Variants in UNC13B observed in about 807,000 individuals in gnomAD.
UNC13B encodes protein unc-13 homolog B.
In UNC13B, 144 loss-of-function variants were observed where a neutral mutation model predicts 211.0. The observed-to-expected ratio is 0.68, with a 90% confidence interval of 0.60 to 0.78. UNC13B has a LOEUF of 0.78. UNC13B is among the 30% of genes least tolerant of loss of function. The probability of loss-of-function intolerance (pLI) is 0.00; values close to 1 mark genes in which losing one functional copy is unlikely to be tolerated. For synonymous variants in UNC13B, 709 were observed against 725.8 expected (o/e 0.98, Z 0.37); for missense variants, 1,777 against 2,002.0 (o/e 0.89, Z 2.14).
chr9:35,347,966 G>A (rs367901582), intron 11 of UNC13B, among the ~76,000 whole-genome samples: 1 of 152,112 alleles, frequency 6.6e-6, no homozygotes, highest in Admixed American at 6.6e-5. Flanking sequence ...GGCTGGGCAC[G>A]GTGGCTCACA....
In UNC13B at chr9:35,403,581, A is replaced by G. The variant is rs2132401395; in HGVS notation, c.12719A>G (p.Tyr4240Cys). The part of the protein sequence containing the change: ...KSKSNNWAPK[Y>C]NETFHFLLGN... ...AAAAGCAACAACTGGGCCCCCAAGT[A>G]CAATGAGACATTCCACTTGTAAGTT... Residue 4240 changes from tyrosine (Y) to cysteine (C), a missense_variant, in exon 39 of 40, where the codon TAC (tyrosine) becomes TGC (cysteine). Coordinates refer to ENST00000635942, the MANE Select transcript of UNC13B (RefSeq NM_001371189.2). The G allele has an allele frequency of 6.3e-7, 1 of 1,594,878 alleles. No homozygotes were observed. Among genetic ancestry groups the G allele is most frequent in the East Asian group, 2.3e-5 (1 of 42,898 alleles).
At chr9:35,222,702 G>C (rs900710479) in intron 1 of UNC13B, among the ~76,000 whole-genome samples, 6 of 152,174 alleles carry the variant, frequency 3.9e-5, no homozygotes, top group African/African-American at 1.4e-4. Context: ...TCACTTCTTT[G>C]TGTTGGGAAC....
rs113747445 is a variant in UNC13B at position 35,295,718 on chromosome 9, C to T, written c.549C>T (p.Ala183=). 1.7e-5 allele frequency: 28 copies of T among 1,613,932 alleles called. No homozygotes were observed. The East Asian group carries it at 2.7e-4, about 15-fold the overall frequency. Residue 183 remains alanine, a synonymous_variant, in exon 8 of 40, where the codon GCC becomes GCT. Coordinates refer to ENST00000635942, the MANE Select transcript of UNC13B (RefSeq NM_001371189.2). ...AQCSFEDPDS[A]VDDRDSDYRS... is the part of the protein sequence containing the mutation. The stretch of plus-strand genomic sequence containing the variant: ...TAGCTTTTGAAGACCCTGATAGTGC[C>T]GTCGATGACCGAGATAGTGACTATC...
chr9:35,278,549 A>G (rs550840481), intron 7 of UNC13B, among the ~76,000 whole-genome samples: 2 of 151,634 alleles, frequency 1.3e-5, no homozygotes, highest in Admixed American at 6.6e-5. Context: ...TTAAAATCCC[A>G]GAAGGCATAG....
At chr9:35,212,819 G>A (rs1824043504) in intron 1 of UNC13B, among the ~76,000 whole-genome samples, 1 of 152,220 alleles carries the variant, frequency 6.6e-6, no homozygotes, top group Non-Finnish European at 1.5e-5. Context: ...AAGAACATGA[G>A]AGTTGGTGGA....
chr9:35,224,030 G>A (rs1165203841), intron 1 of UNC13B, among the ~76,000 whole-genome samples: 2 of 152,060 alleles, frequency 1.3e-5, no homozygotes, highest in Non-Finnish European at 2.9e-5. Flanking sequence ...TATACCAGTA[G>A]TAACCTGCTT....
At chr9:35,309,861 G>T (rs898308272) in intron 9 of UNC13B, among the ~76,000 whole-genome samples, 5 of 152,180 alleles carry the variant, frequency 3.3e-5, no homozygotes, top group African/African-American at 9.7e-5. Flanking sequence ...CCATTCGTTT[G>T]TGTATTCTCT....
chr9:35,303,555 T>G lies in UNC13B; in HGVS notation c.4151T>G (p.Phe1384Cys). Residue 1384 changes from phenylalanine to cysteine, a missense_variant, in exon 9 of 40, where the codon TTT becomes TGT. Physicochemically the swap from Phe to Cys is radical, Grantham distance 205. Transcript: ENST00000635942. ...TATTATATGTTAAATCAAAATAGAT[T>G]TCTATCAGCCGATGCTTGCTTGTGG... Reference protein sequence around the residue: ...PVYYMLNQNRFLSADACLWLD... With the variant: ...PVYYMLNQNRCLSADACLWLD... The G allele has an allele frequency of 2.5e-6, 1 of 398,746 alleles. No homozygotes were observed. The highest frequency in any genetic ancestry group is 4.4e-6 in the Non-Finnish European group (1 of 225,834). The allele number at this position is 398,746 out of a possible 1,614,324, so 24.7% of individuals were successfully genotyped here.
At chr9:35,191,716 C>T (rs3904435) in intron 1 of UNC13B, among the ~76,000 whole-genome samples, 111,412 of 152,164 alleles carry the variant, frequency 0.73, 41,431 homozygotes, top group Non-Finnish European at 0.81. Flanking sequence ...AGACACCCAC[C>T]GTTGTAAAAT....
rs560836312 is a variant in UNC13B, at chr9:35,378,298, T to C, written c.10067T>C (p.Val3356Ala). Residue 3356 changes from valine (V) to alanine (A), a missense_variant, in exon 17 of 40, where the codon GTG (valine) becomes GCG (alanine). Physicochemically the swap from Val to Ala is moderately conservative, Grantham distance 64. Transcript: ENST00000635942. ...CCTATACATGCTTGGGTTGCAGTGGTGTGTGCCCAGGGCCTACAAGCCAAG... is the reference window on the plus strand; with the variant it reads ...CCTATACATGCTTGGGTTGCAGTGGCGTGTGCCCAGGGCCTACAAGCCAAG... ...KWSAKITITVVCAQGLQAKDK... is the reference protein window; with the variant it reads ...KWSAKITITVACAQGLQAKDK... 1.9e-6 allele frequency: 3 copies of C among 1,614,120 alleles called. No homozygotes were observed. The African/African-American group carries it at 4.0e-5, about 22-fold the overall frequency.
intron 7 of UNC13B, among the ~76,000 whole-genome samples, chr9:35,267,513 T>C (rs1452930073): frequency 6.6e-6 from 1 of 152,230 alleles, no homozygotes; most frequent in African/African-American, 2.4e-5. Context: ...ATTCACATGC[T>C]GTGTCAGTAT....
intron 7 of UNC13B, among the ~76,000 whole-genome samples, chr9:35,286,933 C>T (rs1051444864): frequency 6.6e-6 from 1 of 151,952 alleles, no homozygotes. Flanking sequence ...TATCCTCTAC[C>T]GTAGACGGGT....
At chr9:35,179,768 C>T (rs1208691601) in intron 1 of UNC13B, among the ~76,000 whole-genome samples, 4 of 152,052 alleles carry the variant, frequency 2.6e-5, no homozygotes, top group African/African-American at 9.7e-5. Flanking sequence ...CCTAGCCCAG[C>T]CTGGGTGACA....
Position 35,295,754 on chromosome 9 carries a change from C to G in UNC13B, c.585C>G (p.Thr195=). ...DDRDSDYRSE[T]SNSFPPPYHT... is the part of the protein sequence containing the mutation. ...GAGATAGTGACTATCGCAGTGAGAC[C>G]AGCAACAGCTTCCCACCTCCTTACC... Residue 195 remains threonine, a synonymous_variant, in exon 8 of 40, where the codon ACC becomes ACG. Transcript: ENST00000635942. The G allele has an allele frequency of 2.5e-6, 4 of 1,614,084 alleles. No individual in the cohort carries two copies. The highest frequency in any genetic ancestry group is 3.4e-6 in the Non-Finnish European group (4 of 1,180,010).
At chr9:35,320,364 A>AC (rs542748581) in intron 11 of UNC13B, among the ~76,000 whole-genome samples, 270 of 152,186 alleles carry the variant, frequency 1.8e-3, no homozygotes, top group African/African-American at 6.3e-3. Context: ...TTTAATGCCT[A>AC]CCCCCAAAAG....
At chr9:35,266,906 G>A (rs1211433710) in intron 7 of UNC13B, among the ~76,000 whole-genome samples, 2 of 152,214 alleles carry the variant, frequency 1.3e-5, no homozygotes, top group East Asian at 1.9e-4. Flanking sequence ...CAGAAGAAGT[G>A]ATCTTTGTGG....
In UNC13B at chr9:35,382,267, T is replaced by C. The variant is rs542242198; in HGVS notation, c.10656-90T>C. On this transcript the variant is annotated intron_variant, in intron 20 of 39. Transcript: ENST00000635942. The stretch of plus-strand genomic sequence containing the variant: ...GGGCAGCAATTGCCCTGGCTGTGCT[T>C]CATTTATCCCATAAACTTTTAGAGT... 1.2e-4 allele frequency: 188 copies of C among 1,520,156 alleles called. 1 individual carries two copies. The African/African-American group carries it at 2.4e-3, about 19-fold the overall frequency. 94.2% of individuals were successfully genotyped at this position (1,520,156 alleles called of 1,614,324 possible). A position where few individuals can be genotyped will look rare whatever the true frequency, so the allele number is the denominator to read the frequency against.
intron 11 of UNC13B, among the ~76,000 whole-genome samples, chr9:35,355,833 G>C (rs1051297278): frequency 1.3e-5 from 2 of 152,114 alleles, no homozygotes; most frequent in Non-Finnish European, 2.9e-5. Context: ...AGCAACAATA[G>C]AAACAACAAA....
intron 7 of UNC13B, among the ~76,000 whole-genome samples, chr9:35,260,638 TC>T (rs1827220509): frequency 6.6e-6 from 1 of 152,216 alleles, no homozygotes; most frequent in African/African-American, 2.4e-5. Flanking sequence ...AACTTTTTTT[TC>T]TTTATTTAAA....
Sources: gnomAD v4.1 joint callset for allele counts (sites outside exome capture counted in the v4.1 genomes callset) on GRCh38, gnomAD v4.1.1 for gene constraint, MANE v1.5 for transcripts, NCBI Gene and HGNC (gene_info 2026-07-23, HGNC 2026-07-21) for gene names.